ARL8B: variants seen among roughly 807,000 people sequenced by gnomAD.
ARL8B encodes ARF like GTPase 8B.
Under a neutral mutation model 30.6 loss-of-function variants are expected in ARL8B, and 9 were observed. That is an observed-to-expected ratio of 0.29 (90% CI 0.18 to 0.51). The LOEUF is 0.51. ARL8B is among the 20% of genes least tolerant of loss of function. The pLI is 0.97. For synonymous variants in ARL8B, 74 were observed against 76.0 expected, an observed-to-expected ratio of 0.97 and a Z score of 0.14; for missense variants, 130 against 227.2, an observed-to-expected ratio of 0.57 and a Z score of 2.75.
At chr3:5,178,528 A>G (rs2054750413) in intron 6 of ARL8B, 136 bp from the exon 7 acceptor site, 1 of 688,790 alleles carries the variant, frequency 1.5e-6, no homozygotes, top group Non-Finnish European at 2.4e-6. Flanking sequence ...GTAATGGAGT[A>G]TGGTAATGCA....
chr3:5,170,473 G>A (rs1437531068), intron 1 of ARL8B, 30 bp from the exon 2 acceptor site: 1 of 1,493,918 alleles, frequency 6.7e-7, no homozygotes, highest in South Asian at 1.2e-5. Context: ...TAAGTGAGTA[G>A]CCTAACTTCA....
intron 6 of ARL8B, among the ~76,000 whole-genome samples, chr3:5,178,232 T>C (rs530967096): frequency 5.9e-5 from 9 of 152,144 alleles, no homozygotes. Flanking sequence ...TAACATTCTT[T>C]TGCTGTTTTT....
At chr3:5,131,810 T>C (rs767570193) in intron 1 of ARL8B, among the ~76,000 whole-genome samples, 2 of 152,238 alleles carry the variant, frequency 1.3e-5, no homozygotes, top group Admixed American at 6.5e-5. Flanking sequence ...ACTTTGGTTT[T>C]TGTCTTTTTT....
At chr3:5,168,006 A>C (rs901441462) in intron 1 of ARL8B, among the ~76,000 whole-genome samples, 2 of 152,242 alleles carry the variant, frequency 1.3e-5, no homozygotes, top group Non-Finnish European at 2.9e-5. Flanking sequence ...TTCATGCATC[A>C]AAGTTAAGCA....
intron 1 of ARL8B, among the ~76,000 whole-genome samples, chr3:5,137,752 TA>T (rs1486494657): frequency 6.6e-6 from 1 of 152,068 alleles, no homozygotes; most frequent in African/African-American, 2.4e-5. Flanking sequence ...TTTTAATTTT[TA>T]AAAACTTTTT....
intron 1 of ARL8B, among the ~76,000 whole-genome samples, chr3:5,153,035 A>C (rs1272028107): frequency 1.3e-5 from 2 of 151,860 alleles, no homozygotes; most frequent in Admixed American, 1.3e-4. Context: ...TATTAATTTT[A>C]ATTTCTCTAT....
In ARL8B at chr3:5,150,329, G is replaced by A. The variant is rs1157629797; in HGVS notation, c.124-20174G>A. On this transcript the variant is annotated intron_variant, in intron 1 of 6. Coordinates refer to ENST00000256496, the MANE Select transcript of ARL8B (RefSeq NM_018184.3). ...AATACAAAAATTAGCCAGGCGTGGT[G>A]GCACACGCCTGTAATCCCAGCTACT... Among the ~76,000 whole-genome samples the A allele has an allele frequency of 2.0e-5, 3 of 152,042 alleles. No homozygotes were observed. The East Asian group carries it at 5.8e-4, about 29-fold the overall frequency.
intron 1 of ARL8B, among the ~76,000 whole-genome samples, chr3:5,149,752 C>T (rs1388624902): frequency 2.0e-5 from 3 of 152,304 alleles, no homozygotes; most frequent in Middle Eastern, 3.4e-3. Flanking sequence ...TTGTTACATC[C>T]GCAGGCTGGC....
At chr3:5,132,258 A>G (rs1473572337) in intron 1 of ARL8B, among the ~76,000 whole-genome samples, 1 of 151,208 alleles carries the variant, frequency 6.6e-6, no homozygotes, top group Non-Finnish European at 1.5e-5. Context: ...GATCATCATT[A>G]TTATTTTTTT....
At chr3:5,177,953 G>T (rs959535551) in intron 6 of ARL8B, among the ~76,000 whole-genome samples, 1 of 152,140 alleles carries the variant, frequency 6.6e-6, no homozygotes, top group Non-Finnish European at 1.5e-5. Flanking sequence ...TCAGCCCTGT[G>T]GTGTTTCGTT....
chr3:5,131,007 G>A (rs547336902), intron 1 of ARL8B, among the ~76,000 whole-genome samples: 1 of 151,824 alleles, frequency 6.6e-6, no homozygotes, highest in Non-Finnish European at 1.5e-5. Context: ...GTGGCACGGG[G>A]ATTCAAGTGA....
At chr3:5,172,112 A>G (rs2054681993) in intron 2 of ARL8B, 38 bp from the exon 3 acceptor site, 1 of 1,541,798 alleles carries the variant, frequency 6.5e-7, no homozygotes, top group Admixed American at 1.8e-5. Context: ...ATTTAATTAA[A>G]ATATCTTTAT....
intron 2 of ARL8B, 147 bp downstream of exon 2, chr3:5,170,730 G>GT (rs905393318): frequency 9.1e-6 from 5 of 547,504 alleles, no homozygotes; most frequent in South Asian, 5.2e-5. Context: ...TTTTGTTGTT[G>GT]TTTTTTTGTT....
chr3:5,125,561 C>G (rs888145511), intron 1 of ARL8B, among the ~76,000 whole-genome samples: 1 of 145,814 alleles, frequency 6.9e-6, no homozygotes, highest in African/African-American at 2.6e-5. Flanking sequence ...GAGACGGAGT[C>G]CCGCTGTGTT....
chr3:5,142,065 GTGT>G (rs1245685075), intron 1 of ARL8B, among the ~76,000 whole-genome samples: 1 of 152,162 alleles, frequency 6.6e-6, no homozygotes, highest in Non-Finnish European at 1.5e-5. Context: ...GTGGCCGTGT[GTGT>G]TTTCAGGTAT....
intron 6 of ARL8B, among the ~76,000 whole-genome samples, chr3:5,176,133 A>G (rs942350135): frequency 1.3e-5 from 2 of 152,222 alleles, no homozygotes; most frequent in East Asian, 1.9e-4. Context: ...CCAGAATAGT[A>G]TATCTATAAA....
chr3:5,127,912 A>C (rs1186126284), intron 1 of ARL8B, among the ~76,000 whole-genome samples: 5 of 138,014 alleles, frequency 3.6e-5, no homozygotes, highest in Non-Finnish European at 7.7e-5. Flanking sequence ...GCGGAGGGCC[A>C]GGCGCAATGG....
intron 6 of ARL8B, among the ~76,000 whole-genome samples, chr3:5,177,530 C>T (rs1003199792): frequency 6.7e-5 from 10 of 150,244 alleles, no homozygotes; most frequent in Non-Finnish European, 1.0e-4. Flanking sequence ...AATTTTGGCT[C>T]ACTGCAACCT....
At chr3:5,131,797 T>G (rs1490662185) in intron 1 of ARL8B, among the ~76,000 whole-genome samples, 1 of 152,256 alleles carries the variant, frequency 6.6e-6, no homozygotes, top group Non-Finnish European at 1.5e-5. Flanking sequence ...ACTGAAATGT[T>G]TAACTTTGGT....
Sources: allele counts gnomAD v4.1 joint callset (sites outside exome capture counted in the v4.1 genomes callset), GRCh38; gene constraint gnomAD v4.1.1; transcripts MANE v1.5; gene names NCBI Gene and HGNC (gene_info 2026-07-23, HGNC 2026-07-21).